LAMA2: variants seen among roughly 807,000 people sequenced by gnomAD.
The protein encoded by LAMA2 is laminin subunit alpha 2.
In LAMA2, 269 loss-of-function variants were observed where a neutral mutation model predicts 364.8. The observed-to-expected ratio is 0.74, with a 90% CI of 0.67 to 0.82. The LOEUF (loss-of-function observed/expected upper bound fraction) is 0.82, where lower values mean the gene tolerates loss of function less well. Among genes scored for constraint, LAMA2 ranks in the 40% least tolerant of loss-of-function variants. The pLI is 0.00. For synonymous variants in LAMA2, 1,379 were observed against 1,370.6 expected (o/e 1.01, Z -0.14); for missense variants, 3,807 against 3,873.2 (o/e 0.98, Z 0.45).
chr6:129,396,299 A>C (rs534646512), intron 37 of LAMA2, among the ~76,000 whole-genome samples: 1 of 152,290 alleles, frequency 6.6e-6, no homozygotes, highest in Admixed American at 6.5e-5. Context: ...AGACATGTCA[A>C]CCTTTCACTC....
At chr6:129,491,365 T>C (rs1481827625) in intron 56 of LAMA2, among the ~76,000 whole-genome samples, 2 of 152,190 alleles carry the variant, frequency 1.3e-5, no homozygotes, top group Non-Finnish European at 2.9e-5. Flanking sequence ...AGGAAAATCA[T>C]TGCAAGGAAC....
intron 1 of LAMA2, among the ~76,000 whole-genome samples, chr6:128,940,392 T>G (rs1377194763): frequency 6.6e-6 from 1 of 152,184 alleles, no homozygotes; most frequent in Admixed American, 6.5e-5. Flanking sequence ...CCTTCCTTCT[T>G]TATTATAAGC....
At chr6:128,954,970 C>T (rs2114577673) in intron 1 of LAMA2, among the ~76,000 whole-genome samples, 1 of 148,912 alleles carries the variant, frequency 6.7e-6, no homozygotes, top group East Asian at 1.9e-4. Flanking sequence ...ATCTATAAGG[C>T]ACAGGTGTGA....
chr6:129,188,124 C>T (rs1004081649), intron 10 of LAMA2, among the ~76,000 whole-genome samples: 3 of 151,708 alleles, frequency 2.0e-5, no homozygotes, highest in Non-Finnish European at 1.5e-5. Flanking sequence ...TACCATATTC[C>T]ACCTTGCATT....
At chr6:129,303,804 C>G (rs1467655734) in intron 22 of LAMA2, among the ~76,000 whole-genome samples, 1 of 152,008 alleles carries the variant, frequency 6.6e-6, no homozygotes, top group Non-Finnish European at 1.5e-5. Context: ...ATGTTGAATC[C>G]TGTTTGCTAG....
At position 129,288,060 on chromosome 6, in the gene LAMA2, T is replaced by G; in HGVS notation, c.2749+2T>G. On this transcript the variant is annotated splice_donor_variant, in intron 19 of 64. Transcript: ENST00000421865. LOFTEE classifies it high-confidence loss of function. ...CAGTTGATGCGAAGAACTGTCAGCGTAAGTCCTGAACTATTGATGCCCCTG... is the reference window on the plus strand; with the variant it reads ...CAGTTGATGCGAAGAACTGTCAGCGGAAGTCCTGAACTATTGATGCCCCTG... 1 of 1,612,740 alleles carries G rather than the reference T, an allele frequency of 6.2e-7. No homozygotes were observed. Among genetic ancestry groups the G allele is most frequent in the Non-Finnish European group, 8.5e-7 (1 of 1,178,728 alleles).
intron 58 of LAMA2, among the ~76,000 whole-genome samples, chr6:129,497,350 G>A (rs1785270715): frequency 6.6e-6 from 1 of 151,892 alleles, no homozygotes; most frequent in South Asian, 2.1e-4. Flanking sequence ...CGATCCTCAT[G>A]CCTCAGCCTC....
chr6:128,948,718 A>G (rs1458058874), intron 1 of LAMA2, among the ~76,000 whole-genome samples: 1 of 152,096 alleles, frequency 6.6e-6, no homozygotes, highest in Non-Finnish European at 1.5e-5. Context: ...GTGATAAGTG[A>G]GTTCTCCCTT....
At chr6:129,156,152 T>C (rs967909840) in intron 8 of LAMA2, among the ~76,000 whole-genome samples, 16 of 151,524 alleles carry the variant, frequency 1.1e-4, no homozygotes, top group African/African-American at 3.6e-4. Context: ...TATAACCATT[T>C]CACAATTTGT....
At chr6:129,425,024 G>A (rs1781257709) in intron 40 of LAMA2, among the ~76,000 whole-genome samples, 1 of 151,998 alleles carries the variant, frequency 6.6e-6, no homozygotes, top group African/African-American at 2.4e-5. Flanking sequence ...GACAAAAAGA[G>A]AGTACATGCA....
chr6:129,392,427 T>C (rs1458400618), intron 36 of LAMA2, among the ~76,000 whole-genome samples: 1 of 152,202 alleles, frequency 6.6e-6, no homozygotes, highest in Admixed American at 6.6e-5. Flanking sequence ...AACCATGTAT[T>C]AACAAGCCCT....
chr6:129,456,840 G>A (rs913694418), intron 48 of LAMA2, among the ~76,000 whole-genome samples: 12 of 152,086 alleles, frequency 7.9e-5, no homozygotes, highest in African/African-American at 2.9e-4. Context: ...GATATGAAGT[G>A]CTATAAAGTT....
intron 18 of LAMA2, among the ~76,000 whole-genome samples, chr6:129,286,360 T>C (rs564265732): frequency 3.2e-4 from 48 of 151,076 alleles, no homozygotes; most frequent in Non-Finnish European, 6.2e-4. Flanking sequence ...GCAAATGTCA[T>C]TGAAAGAGAA....
intron 7 of LAMA2, among the ~76,000 whole-genome samples, chr6:129,149,951 T>G (rs1334965297): frequency 1.3e-5 from 2 of 152,150 alleles, no homozygotes; most frequent in African/African-American, 4.8e-5. Flanking sequence ...TGAGTATCCT[T>G]GAATCTTGGT....
chr6:129,501,267 T>C (rs1279191624), intron 58 of LAMA2, among the ~76,000 whole-genome samples: 2 of 152,220 alleles, frequency 1.3e-5, no homozygotes, highest in African/African-American at 4.8e-5. Flanking sequence ...TGCCACATGC[T>C]GCCTCTAAAA....
chr6:129,106,366 T>C (rs554249012), intron 4 of LAMA2, among the ~76,000 whole-genome samples: 1 of 152,290 alleles, frequency 6.6e-6, no homozygotes, highest in South Asian at 2.1e-4. Context: ...GATATAACAT[T>C]GTTAAGGTTA....
At chr6:129,249,705 G>A (rs1466888887) in intron 12 of LAMA2, among the ~76,000 whole-genome samples, 3 of 152,150 alleles carry the variant, frequency 2.0e-5, no homozygotes, top group Admixed American at 2.0e-4. Flanking sequence ...AAAGAATCCA[G>A]ACTCACAGAA....
chr6:128,918,375 T>G (rs1250876668), intron 1 of LAMA2, among the ~76,000 whole-genome samples: 1 of 152,168 alleles, frequency 6.6e-6, no homozygotes, highest in African/African-American at 2.4e-5. Context: ...ATGGTTGTGT[T>G]TATCTGAAAA....
intron 9 of LAMA2, 106 bp from the exon 10 acceptor site, chr6:129,177,600 A>T: frequency 8.7e-7 from 1 of 1,151,516 alleles, no homozygotes; most frequent in Middle Eastern, 2.0e-4. Context: ...TAAAAAATCT[A>T]TTTTTGTGTC....
Sources: allele counts gnomAD v4.1 joint callset (sites outside exome capture counted in the v4.1 genomes callset), GRCh38; gene constraint gnomAD v4.1.1; transcripts MANE v1.5; gene names NCBI Gene and HGNC (gene_info 2026-07-23, HGNC 2026-07-21).